CTIF: variants seen among roughly 807,000 people sequenced by gnomAD.
CTIF encodes the protein CBP80/20-dependent translation initiation factor.
A neutral mutation model predicts 66.0 loss-of-function variants in CTIF; 21 were observed. The ratio of observed to expected loss-of-function variants is 0.32; its 90% CI spans 0.23 to 0.46. The LOEUF (loss-of-function observed/expected upper bound fraction) is 0.46. CTIF is among the 20% of genes least tolerant of loss of function. The pLI is 1.00. For missense variants in CTIF, 739 were observed against 812.7 expected, an observed-to-expected ratio of 0.91 and a Z score of 1.10; for synonymous variants, 345 against 326.4, an observed-to-expected ratio of 1.06 and a Z score of -0.62.
chr18:48,582,706 C>T (rs914817984), intron 1 of CTIF, among the ~76,000 whole-genome samples: 20 of 152,056 alleles, frequency 1.3e-4, no homozygotes, highest in Non-Finnish European at 2.9e-4. Context: ...GTGGTAATAA[C>T]GGGGTTAGAG....
At chr18:48,791,930 A>G (rs984649597) in intron 9 of CTIF, among the ~76,000 whole-genome samples, 1 of 151,648 alleles carries the variant, frequency 6.6e-6, no homozygotes, top group Admixed American at 6.6e-5. Context: ...TTCATTCAAC[A>G]CTCCATGAAT....
chr18:48,605,787 C>T lies in CTIF; in HGVS notation c.-28-13751C>T, dbSNP rs111473185. On this transcript the variant is annotated intron_variant, in intron 1 of 11. Coordinates refer to ENST00000256413, the MANE Select transcript of CTIF (RefSeq NM_014772.3). ...GGAGGGAGCCCACAGTCCTCCCTTC[C>T]GGCTTCTGTTGATTGCCCACTTCAT... Among the ~76,000 whole-genome samples the T allele has an allele frequency of 3.3e-4, 50 of 152,310 alleles. No individual in the cohort carries two copies. The East Asian group carries it at 6.6e-3, about 20-fold the overall frequency.
chr18:48,592,570 T>C (rs73443304), intron 1 of CTIF, among the ~76,000 whole-genome samples: 3,996 of 143,638 alleles, frequency 0.028, 180 homozygotes, highest in African/African-American at 0.097. Context: ...GGGCAAGGAG[T>C]GGATGCTGGG....
At chr18:48,713,994 T>C (rs9959864) in intron 7 of CTIF, among the ~76,000 whole-genome samples, 51,432 of 151,992 alleles carry the variant, frequency 0.34, 10,539 homozygotes, top group African/African-American at 0.58. Context: ...CGTGGAGTCC[T>C]CAGGTGATGG....
chr18:48,758,398 A>G lies in CTIF; in HGVS notation c.1064A>G (p.Lys355Arg). 1.3e-6 allele frequency: 2 copies of G among 1,582,132 alleles called. No homozygotes were observed. The highest frequency in any genetic ancestry group is 1.7e-6 in the Non-Finnish European group (2 of 1,165,392). The change falls in exon 8 of 12, where the codon AAG becomes AGG. Residue 355 changes from lysine (K) to arginine (R), a missense_variant. Coordinates refer to ENST00000256413, the MANE Select transcript of CTIF (RefSeq NM_014772.3). ...SSKDRLRRRL[K>R]EKDEVAVETT... Reference sequence around the variant, plus strand: ...AAAGACAGACTGCGGCGAAGGCTAAAGGAAAAGGTACCGGTAATTGAATTT... The same window carrying G: ...AAAGACAGACTGCGGCGAAGGCTAAGGGAAAAGGTACCGGTAATTGAATTT...
At chr18:48,669,781 C>T (rs2091492160) in intron 5 of CTIF, among the ~76,000 whole-genome samples, 1 of 88,516 alleles carries the variant, frequency 1.1e-5, no homozygotes, top group South Asian at 3.7e-4. Flanking sequence ...TATAAACAAA[C>T]AAGCTAAACA....
At position 48,823,234 on chromosome 18, in the gene CTIF, A is replaced by AT. The variant is rs567932120; in HGVS notation, c.1527+5858_1527+5859insT. On this transcript the variant is annotated intron_variant, in intron 10 of 11. Coordinates refer to ENST00000256413, the MANE Select transcript of CTIF (RefSeq NM_014772.3). Reference sequence around the variant, plus strand: ...TTGGAGTCATATCCAAAAAAAAAAAAGTGTCCAGACCAACGTCAAGATGCT... The same window carrying AT: ...TTGGAGTCATATCCAAAAAAAAAAAATGTGTCCAGACCAACGTCAAGATGCT... Among the ~76,000 whole-genome samples, 447 of 152,034 alleles carry AT rather than the reference A, an allele frequency of 2.9e-3. 7 individuals carry two copies. Among genetic ancestry groups the AT allele is most frequent in the Non-Finnish European group, 3.2e-4 (22 of 67,968 alleles).
chr18:48,644,461 A>T (rs2090989732), intron 3 of CTIF, among the ~76,000 whole-genome samples: 1 of 152,244 alleles, frequency 6.6e-6, no homozygotes, highest in African/African-American at 2.4e-5. Context: ...CCTCCCAGAA[A>T]CAAACATGGC....
chr18:48,807,972 G>T (rs528796240), intron 9 of CTIF, among the ~76,000 whole-genome samples: 16 of 152,182 alleles, frequency 1.1e-4, no homozygotes, highest in Non-Finnish European at 1.5e-4. Context: ...ATTTTTATGT[G>T]CATTAAGCTT....
chr18:48,625,635 T>A (rs2090580096), intron 2 of CTIF, among the ~76,000 whole-genome samples: 1 of 152,220 alleles, frequency 6.6e-6, no homozygotes, highest in Admixed American at 6.5e-5. Flanking sequence ...TATTGTTCAA[T>A]AACTTGCATT....
intron 1 of CTIF, among the ~76,000 whole-genome samples, chr18:48,609,068 T>C (rs187133899): frequency 1.3e-5 from 2 of 152,246 alleles, no homozygotes; most frequent in Non-Finnish European, 2.9e-5. Flanking sequence ...TGACAGCTGG[T>C]GGTGGGGCTC....
At position 48,619,579 on chromosome 18, in the gene CTIF, C is replaced by T. The variant is rs771150864; in HGVS notation, c.14C>T (p.Ser5Phe). The change falls in exon 2 of 12, where the codon TCT (serine) becomes TTT (phenylalanine). Residue 5 changes from serine (S) to phenylalanine (F), a missense_variant. Physicochemically the swap from Ser to Phe is radical, Grantham distance 155. Around this residue, in one of 2 missense-constraint regions of CTIF, gnomAD observed 529 missense variants for 520.3 expected, o/e 1.02. Coordinates refer to ENST00000256413, the MANE Select transcript of CTIF (RefSeq NM_014772.3). ...TGAGCTGGAGGGATGGAAAACTCCT[C>T]TGCAGCATCAGCCTCCTCGGAGGCA... MENSSAASASSEAGS... is the reference protein window; with the variant it reads MENSFAASASSEAGS... 1.7e-5 allele frequency: 27 copies of T among 1,575,678 alleles called. No homozygotes were observed. Among genetic ancestry groups the T allele is most frequent in the East Asian group, 2.3e-5 (1 of 43,376 alleles).
intron 10 of CTIF, among the ~76,000 whole-genome samples, chr18:48,835,336 A>G (rs1219446693): frequency 2.0e-5 from 3 of 152,220 alleles, no homozygotes; most frequent in Admixed American, 6.5e-5. Flanking sequence ...ATGTGTGGCC[A>G]TGGCTGTGCT....
At chr18:48,802,537 G>T (rs527349252) in intron 9 of CTIF, among the ~76,000 whole-genome samples, 1 of 152,226 alleles carries the variant, frequency 6.6e-6, no homozygotes, top group Non-Finnish European at 1.5e-5. Flanking sequence ...TTCCAGCTCT[G>T]TCAACCTCAG....
rs547246736 is a variant in CTIF at position 48,859,508 on chromosome 18, G to A, written c.1746G>A (p.Thr582=). 3 of 1,614,118 alleles carry A rather than the reference G, an allele frequency of 1.9e-6. No individual in the cohort carries two copies. Among genetic ancestry groups the A allele is most frequent in the East Asian group, 2.2e-5 (1 of 44,882 alleles). ...ELHANSWNPL[T]PPITQYYNRT... is the part of the protein sequence containing the mutation. The stretch of plus-strand genomic sequence containing the variant: ...ACGCTAACAGCTGGAACCCTCTGAC[G>A]CCCCCCATCACGCAGTACTACAACA... The change falls in exon 12 of 12, where the codon ACG becomes ACA. Residue 582 remains threonine, a synonymous_variant. Transcript: ENST00000256413.
At chr18:48,721,650 G>T (rs1300637060) in intron 7 of CTIF, among the ~76,000 whole-genome samples, 9 of 152,310 alleles carry the variant, frequency 5.9e-5, no homozygotes, top group Admixed American at 4.6e-4. Context: ...GGACACCATT[G>T]TGCAGACTAC....
At chr18:48,644,373 C>T (rs2144697088) in intron 3 of CTIF, among the ~76,000 whole-genome samples, 1 of 152,304 alleles carries the variant, frequency 6.6e-6, no homozygotes, top group African/African-American at 2.4e-5. Context: ...ATGTCTGGGA[C>T]ATGACACAGT....
At position 48,861,563 on chromosome 18, in the gene CTIF, C is replaced by A. The variant is rs2069468968; in HGVS notation, c.*2004C>A. 1.3e-5 allele frequency: 2 copies of A among 152,452 alleles called. No homozygotes were observed. Among genetic ancestry groups the A allele is most frequent in the Non-Finnish European group, 2.9e-5 (2 of 68,208 alleles). The allele number at this position is 152,452 out of a possible 1,614,324, so 9.4% of individuals were successfully genotyped here. ...ACCTGTGCTTCAGTGGCCCCTGCCCCCCTGAAGCATGTGGGGTTTGTCCGC... is the reference window on the plus strand; with the variant it reads ...ACCTGTGCTTCAGTGGCCCCTGCCCACCTGAAGCATGTGGGGTTTGTCCGC... On this transcript the variant is annotated 3_prime_UTR_variant, in exon 12 of 12. Coordinates refer to ENST00000256413, the MANE Select transcript of CTIF (RefSeq NM_014772.3).
At chr18:48,590,288 G>T (rs59988504) in intron 1 of CTIF, among the ~76,000 whole-genome samples, 9,852 of 152,226 alleles carry the variant, frequency 0.065, 349 homozygotes, top group African/African-American at 0.096. Context: ...CGGAGCCAGA[G>T]CTAGGACAGC....
Sources: allele counts gnomAD v4.1 joint callset (sites outside exome capture counted in the v4.1 genomes callset), GRCh38; gene constraint gnomAD v4.1.1; regional missense constraint gnomAD v4.1.1; transcripts MANE v1.5; gene names NCBI Gene and HGNC (gene_info 2026-07-23, HGNC 2026-07-21).